ITLN1: variants seen among roughly 807,000 people sequenced by gnomAD.
The protein encoded by ITLN1 is intelectin-1.
In ITLN1, 29 loss-of-function variants were observed where a neutral mutation model predicts 36.2. The ratio of observed to expected loss-of-function variants is 0.80; its 90% confidence interval spans 0.60 to 1.09. The LOEUF is 1.09. Among genes scored for constraint, ITLN1 ranks in the 50% least tolerant of loss-of-function variants. The probability of loss-of-function intolerance (pLI) is 0.00; values close to 1 mark genes in which losing one functional copy is unlikely to be tolerated. For synonymous variants in ITLN1, 143 were observed against 146.5 expected (o/e 0.98, Z 0.17); for missense variants, 358 against 405.2 (o/e 0.88, Z 1.00).
chr1:160,881,804 G>GAAAAAAAAAAA (rs56380748), intron 4 of ITLN1, among the ~76,000 whole-genome samples, 153 bp downstream of exon 4: 1 of 125,270 alleles, frequency 8.0e-6, no homozygotes, highest in African/African-American at 3.4e-5. Flanking sequence ...TCCGTCTCAA[G>GAAAAAAAAAAA]AAAAAAAAAA....
chr1:160,881,525 T>C, intron 4 of ITLN1: 1 of 564,288 alleles, frequency 1.8e-6, no homozygotes, highest in Non-Finnish European at 2.9e-6. Context: ...AAAGTGTAAA[T>C]TGGCTGGGTG....
At chr1:160,880,510 C>A in intron 6 of ITLN1, 78 bp downstream of exon 6, 1 of 1,455,270 alleles carries the variant, frequency 6.9e-7, no homozygotes, top group South Asian at 1.2e-5. Flanking sequence ...AGCTTCAGTC[C>A]GATGCATAAC....
At chr1:160,881,807 A>G (rs1670683614) in intron 4 of ITLN1, 150 bp downstream of exon 4, 1 of 112,546 alleles carries the variant, frequency 8.9e-6, no homozygotes, top group Non-Finnish European at 1.5e-5. Flanking sequence ...GTCTCAAGAA[A>G]AAAAAAAAAA....
intron 7 of ITLN1, among the ~76,000 whole-genome samples, chr1:160,877,134 G>A (rs975067954): frequency 5.3e-5 from 8 of 152,272 alleles, no homozygotes; most frequent in Admixed American, 4.6e-4. Context: ...CTACTCAGGA[G>A]GCTGAGGCAG....
rs1252754598 is a variant in ITLN1 at position 160,883,452 on chromosome 1, T to C, written c.133A>G (p.Lys45Glu). ...CCAAATGCACTAGGACATTCGTCTTTGATTTCCTTGCAGCTTCTGGGCAGA... is the reference window on the plus strand; with the variant it reads ...CCAAATGCACTAGGACATTCGTCTTCGATTTCCTTGCAGCTTCTGGGCAGA... ...PSLPRSCKEI[K>E]DECPSAFDGL... Residue 45 changes from lysine (K) to glutamate (E), a missense_variant, in exon 3 of 8, where the codon AAA becomes GAA. Lys to Glu is a moderately conservative substitution (Grantham distance 56). Transcript: ENST00000326245. 2.5e-6 allele frequency: 4 copies of C among 1,613,458 alleles called. No homozygotes were observed. The South Asian group carries it at 4.4e-5, about 18-fold the overall frequency.
chr1:160,880,033 T>C (rs1670651087), intron 6 of ITLN1, among the ~76,000 whole-genome samples: 2 of 151,984 alleles, frequency 1.3e-5, no homozygotes, highest in African/African-American at 4.8e-5. Context: ...TGGCCGGGCG[T>C]GGTGGCTCAC....
At chr1:160,881,919 C>T (rs1670685360) in intron 4 of ITLN1, 38 bp downstream of exon 4, 2 of 1,614,056 alleles carry the variant, frequency 1.2e-6, no homozygotes, top group Non-Finnish European at 1.7e-6. Flanking sequence ...ACACTCCACT[C>T]CTCACCCTCA....
At position 160,883,575 on chromosome 1, in the gene ITLN1, T is replaced by C. The variant is rs534197716; in HGVS notation, c.59-49A>G. 19 of 1,278,148 alleles carry C rather than the reference T, an allele frequency of 1.5e-5. No individual in the cohort carries two copies. The African/African-American group carries it at 1.8e-4, about 12-fold the overall frequency. 79.2% of individuals were successfully genotyped at this position (1,278,148 alleles called of 1,614,324 possible). A position where few individuals can be genotyped will look rare whatever the true frequency, so the allele number is the denominator to read the frequency against. On this transcript the variant is annotated intron_variant, in intron 2 of 7. Coordinates refer to ENST00000326245, the MANE Select transcript of ITLN1 (RefSeq NM_017625.3). The stretch of plus-strand genomic sequence containing the variant: ...CTCATTCCCGGTTTGACACAAAACC[T>C]ACCCTCTCCTATCACTAGTCCCACG...
intron 3 of ITLN1, among the ~76,000 whole-genome samples, chr1:160,882,452 T>C (rs1229904319): frequency 6.6e-6 from 1 of 152,208 alleles, no homozygotes; most frequent in African/African-American, 2.4e-5. Flanking sequence ...CATGGAATTA[T>C]TGTATGACCC....
chr1:160,879,491 C>T (rs757605604), intron 6 of ITLN1, 77 bp from the exon 7 acceptor site: 429 of 1,122,850 alleles, frequency 3.8e-4, no homozygotes, highest in Non-Finnish European at 5.4e-4. Context: ...CAGAGGCTCT[C>T]GATGCCAAAG....
chr1:160,881,030 T>C (rs1227960254), intron 5 of ITLN1, 124 bp downstream of exon 5: 1 of 1,141,164 alleles, frequency 8.8e-7, no homozygotes. Context: ...ACAGAAGCCA[T>C]CAGCAAATCT....
intron 4 of ITLN1, among the ~76,000 whole-genome samples, 144 bp downstream of exon 4, chr1:160,881,804 GAAAAAAAAA>G (rs56380748): frequency 1.6e-5 from 2 of 125,266 alleles, no homozygotes; most frequent in Non-Finnish European, 3.2e-5. Flanking sequence ...TCCGTCTCAA[GAAAAAAAAA>G]AAAAAAAAAA....
rs1289811119 is a variant in ITLN1 at position 160,879,310 on chromosome 1, C to T, written c.789+1G>A. The T allele has an allele frequency of 6.2e-6, 10 of 1,611,230 alleles. No homozygotes were observed. The highest frequency in any genetic ancestry group is 2.7e-5 in the African/African-American group (2 of 74,840). ...TCCCTGCAGTCCCCACAGAGACTCA[C>T]GTGCTCAGTGTTACATCCGGTGACC... On this transcript the variant is annotated splice_donor_variant, in intron 7 of 7. Coordinates refer to ENST00000326245, the MANE Select transcript of ITLN1 (RefSeq NM_017625.3). LOFTEE classifies it high-confidence loss of function.
chr1:160,882,770 C>T (rs1323223232), intron 3 of ITLN1, among the ~76,000 whole-genome samples: 1 of 152,156 alleles, frequency 6.6e-6, no homozygotes, highest in African/African-American at 2.4e-5. Flanking sequence ...GGTAACTACA[C>T]TAGGCAAATT....
In ITLN1 at chr1:160,876,609, A is replaced by G; in HGVS notation, c.*55T>C. ...CTAGCTACTGGGTAAGTTGTTCTCC[A>G]TCCTTGGGATCTCATGGTTGGGAGG... On this transcript the variant is annotated 3_prime_UTR_variant, in exon 8 of 8. Coordinates refer to ENST00000326245, the MANE Select transcript of ITLN1 (RefSeq NM_017625.3). 6.3e-7 allele frequency: 1 copy of G among 1,580,016 alleles called. No homozygotes were observed. The highest frequency in any genetic ancestry group is 8.7e-7 in the Non-Finnish European group (1 of 1,153,320).
rs368515576 is a variant in ITLN1, at chr1:160,883,487, G to A, written c.98C>T (p.Ser33Leu). The A allele has an allele frequency of 1.7e-5, 27 of 1,613,378 alleles. No individual in the cohort carries two copies. In the East Asian group the frequency reaches 2.5e-4, roughly 15 times the overall value. The change falls in exon 3 of 8, where the codon TCG (serine) becomes TTG (leucine). Residue 33 changes from serine (S) to leucine (L), a missense_variant. Physicochemically the swap from Ser to Leu is moderately radical, Grantham distance 145 (BLOSUM62 -2). Coordinates refer to ENST00000326245, the MANE Select transcript of ITLN1 (RefSeq NM_017625.3). ...NTYFKEWTCS[S>L]SPSLPRSCKE... ...GCAGCTTCTGGGCAGAGATGGAGACGAAGAACAGGTCCATTCCTTGAAGTA... is the reference window on the plus strand; with the variant it reads ...GCAGCTTCTGGGCAGAGATGGAGACAAAGAACAGGTCCATTCCTTGAAGTA...
chr1:160,882,519 T>A (rs1670697970), intron 3 of ITLN1, among the ~76,000 whole-genome samples: 1 of 152,244 alleles, frequency 6.6e-6, no homozygotes, highest in Non-Finnish European at 1.5e-5. Flanking sequence ...CTCAAGCTGA[T>A]GCTTTTACAC....
At chr1:160,884,151 A>G (rs1399668303) in intron 2 of ITLN1, among the ~76,000 whole-genome samples, 3 of 17,928 alleles carry the variant, frequency 1.7e-4, no homozygotes, top group African/African-American at 3.8e-4. Flanking sequence ...GGCCTAGAGA[A>G]AAAAAAAAAA....
chr1:160,877,844 G>A (rs1207013707), intron 7 of ITLN1, among the ~76,000 whole-genome samples: 5 of 152,224 alleles, frequency 3.3e-5, no homozygotes, highest in Admixed American at 2.6e-4. Context: ...ATGATAGTGA[G>A]TGACTTCTCA....
Sources: gnomAD v4.1 joint callset for allele counts (sites outside exome capture counted in the v4.1 genomes callset) on GRCh38, gnomAD v4.1.1 for gene constraint, MANE v1.5 for transcripts, NCBI Gene and HGNC (gene_info 2026-07-23, HGNC 2026-07-21) for gene names.